Variants in XKR9 observed in about 807,000 individuals in gnomAD.
XKR9 encodes the protein XK related 9.
In XKR9, 32 loss-of-function variants were observed where a neutral mutation model predicts 32.0. The observed-to-expected ratio is 1.00, with a 90% confidence interval of 0.76 to 1.34. XKR9 has a LOEUF of 1.34. Ranked by LOEUF, XKR9 falls within the 40% of genes most tolerant of loss-of-function variation. XKR9 has a pLI of 0.00. For synonymous variants in XKR9, 168 were observed against 143.4 expected, an observed-to-expected ratio of 1.17 and a Z score of -1.22; for missense variants, 546 against 429.7, an observed-to-expected ratio of 1.27 and a Z score of -2.39.
chr8:70,964,278 G>T, the XKR9 span, among the ~76,000 whole-genome samples: 2 of 152,106 alleles, frequency 1.3e-5, no homozygotes, highest in Admixed American at 1.3e-4. Context: ...ATAGTTGTAG[G>T]TGTGTAGTCT....
intron 2 of XKR9, among the ~76,000 whole-genome samples, chr8:70,755,514 G>A (rs976667818): frequency 3.3e-5 from 5 of 152,036 alleles, no homozygotes; most frequent in Non-Finnish European, 7.3e-5. Flanking sequence ...CAACCCAAAT[G>A]TCCAACAATG....
At chr8:70,994,864 T>C in the XKR9 span, among the ~76,000 whole-genome samples, 5 of 152,200 alleles carry the variant, frequency 3.3e-5, no homozygotes, top group Non-Finnish European at 7.3e-5. Flanking sequence ...AACAATAAAT[T>C]TTTAAAGAAG....
At chr8:70,759,233 A>C (rs1807271966) in intron 2 of XKR9, among the ~76,000 whole-genome samples, 2 of 152,174 alleles carry the variant, frequency 1.3e-5, no homozygotes, top group African/African-American at 4.8e-5. Flanking sequence ...TTAATCATGG[A>C]ATTTTTTAAA....
the XKR9 span, among the ~76,000 whole-genome samples, chr8:70,913,581 C>T: frequency 2.6e-5 from 4 of 152,050 alleles, no homozygotes; most frequent in Non-Finnish European, 4.4e-5. Context: ...TATAAAACAT[C>T]ATAGTTTTAG....
At chr8:70,997,254 G>A in the XKR9 span, among the ~76,000 whole-genome samples, 14 of 151,714 alleles carry the variant, frequency 9.2e-5, no homozygotes, top group Non-Finnish European at 1.6e-4. Context: ...CTGAGATTGC[G>A]CCACTGCACT....
chr8:70,698,198 G>C (rs1259157367), intron 3 of XKR9, among the ~76,000 whole-genome samples: 1 of 128,430 alleles, frequency 7.8e-6, no homozygotes, highest in African/African-American at 2.9e-5. Context: ...GTTCTGCTCT[G>C]ATTTTAGTTA....
the XKR9 span, among the ~76,000 whole-genome samples, chr8:70,814,082 G>T: frequency 1.3e-5 from 2 of 152,132 alleles, no homozygotes; most frequent in African/African-American, 2.4e-5. Context: ...AGAAAATGTG[G>T]CACATATACA....
intron 2 of XKR9, among the ~76,000 whole-genome samples, chr8:70,753,955 A>T (rs538537227): frequency 1.4e-4 from 16 of 117,234 alleles, no homozygotes; most frequent in African/African-American, 3.9e-4. Flanking sequence ...GTATTCAACT[A>T]GGAAAAGAGG....
intron 4 of XKR9, among the ~76,000 whole-genome samples, chr8:70,721,598 G>A (rs994478862): frequency 2.0e-5 from 3 of 152,146 alleles, no homozygotes; most frequent in African/African-American, 7.2e-5. Flanking sequence ...CAGTTTCCAT[G>A]TAGTTTTGCA....
chr8:70,842,900 T>C, the XKR9 span, among the ~76,000 whole-genome samples: 3 of 152,088 alleles, frequency 2.0e-5, no homozygotes, highest in African/African-American at 4.8e-5. Flanking sequence ...GCTGCCCTTC[T>C]GGGGTCTACC....
chr8:70,724,562 C>T (rs1057420304), intron 4 of XKR9, among the ~76,000 whole-genome samples: 25 of 152,126 alleles, frequency 1.6e-4, no homozygotes, highest in African/African-American at 4.6e-4. Context: ...TTGCAAAAAC[C>T]GTGGGAAAAA....
At chr8:70,758,429 G>T (rs948588219) in intron 2 of XKR9, among the ~76,000 whole-genome samples, 7 of 152,146 alleles carry the variant, frequency 4.6e-5, no homozygotes, top group Non-Finnish European at 8.8e-5. Flanking sequence ...AAAAGTTTCT[G>T]AGGTCAATGT....
intron 4 of XKR9, among the ~76,000 whole-genome samples, chr8:70,710,744 AAAC>A (rs1805888885): frequency 1.3e-5 from 2 of 151,470 alleles, no homozygotes; most frequent in Non-Finnish European, 3.0e-5. Flanking sequence ...AACAAACAAA[AAAC>A]AAAAGCAATT....
chr8:70,787,882 T>G (rs935459906), intron 2 of XKR9, among the ~76,000 whole-genome samples: 1 of 151,966 alleles, frequency 6.6e-6, no homozygotes, highest in Non-Finnish European at 1.5e-5. Flanking sequence ...TGGTCAAGGC[T>G]GAAATAAAAC....
chr8:70,775,649 T>C (rs1340853996), intron 2 of XKR9, among the ~76,000 whole-genome samples: 1 of 152,150 alleles, frequency 6.6e-6, no homozygotes, highest in Non-Finnish European at 1.5e-5. Flanking sequence ...AAACCACACT[T>C]GGACATGATG....
the XKR9 span, among the ~76,000 whole-genome samples, chr8:70,973,576 T>A: frequency 1.3e-5 from 2 of 152,156 alleles, no homozygotes; most frequent in Non-Finnish European, 2.9e-5. Flanking sequence ...CTTTCAGACT[T>A]TTTAATGTAG....
the XKR9 span, among the ~76,000 whole-genome samples, chr8:70,980,196 C>T: frequency 6.6e-6 from 1 of 152,226 alleles, no homozygotes; most frequent in African/African-American, 2.4e-5. Flanking sequence ...AAAGGGAAAT[C>T]CCCTGACCCC....
chr8:70,905,216 A>G, the XKR9 span, among the ~76,000 whole-genome samples: 1 of 152,122 alleles, frequency 6.6e-6, no homozygotes, highest in African/African-American at 2.4e-5. Context: ...GAAGAGTGTT[A>G]TCCAACTTGG....
intron 4 of XKR9, among the ~76,000 whole-genome samples, chr8:70,713,746 G>A (rs1002189656): frequency 7.2e-5 from 11 of 152,088 alleles, no homozygotes; most frequent in African/African-American, 2.7e-4. Context: ...AACCTATATA[G>A]TATAGGAGAA....
Sources: gnomAD v4.1 joint callset for allele counts (sites outside exome capture counted in the v4.1 genomes callset) on GRCh38, gnomAD v4.1.1 for gene constraint, MANE v1.5 for transcripts, NCBI Gene and HGNC (gene_info 2026-07-23, HGNC 2026-07-21) for gene names.